Variants in PIEZO1 observed in about 807,000 individuals in gnomAD.
The protein encoded by PIEZO1 is piezo-type mechanosensitive ion channel component 1.
Under a neutral mutation model 297.2 loss-of-function variants are expected in PIEZO1, and 296 were observed. That is an observed-to-expected ratio of 1.00 (90% CI 0.91 to 1.10). PIEZO1 has a LOEUF of 1.10. Ranked by LOEUF, PIEZO1 falls within the 50% of genes least tolerant of loss-of-function variation. PIEZO1 has a pLI of 0.00. For synonymous variants in PIEZO1, 2,427 were observed against 1,507.5 expected (o/e 1.61, Z -14.13); for missense variants, 5,018 against 3,455.5 (o/e 1.45, Z -11.34).
intron 30 of PIEZO1, among the ~76,000 whole-genome samples, chr16:88,724,232 G>C (rs890712330): frequency 2.0e-5 from 3 of 152,230 alleles, no homozygotes; most frequent in African/African-American, 4.8e-5. Context: ...CTGTGTGAGA[G>C]TTAGAAAAAC....
At chr16:88,730,072 G>T (rs1027899360) in intron 22 of PIEZO1, among the ~76,000 whole-genome samples, 1 of 152,262 alleles carries the variant, frequency 6.6e-6, no homozygotes, top group Non-Finnish European at 1.5e-5. Context: ...GTGGACAGGA[G>T]ACGGGGAGCT....
intron 21 of PIEZO1, among the ~76,000 whole-genome samples, 172 bp from the exon 22 acceptor site, chr16:88,732,082 C>A (rs1567670212): frequency 2.0e-5 from 3 of 151,134 alleles, no homozygotes. Context: ...TGGCAGTTGC[C>A]ATCGTGCAGG....
At position 88,725,801 on chromosome 16, in the gene PIEZO1, G is replaced by A. The variant is rs769646339; in HGVS notation, c.3969-117C>T. On this transcript the variant is annotated intron_variant, in intron 27 of 50. Transcript: ENST00000301015. ...AGCCTGCTCCTCTCTGCCCACGCTGGACAAGAGGCACCCACGGGGGAGGCA... is the reference window on the plus strand; with the variant it reads ...AGCCTGCTCCTCTCTGCCCACGCTGAACAAGAGGCACCCACGGGGGAGGCA... 249 of 648,888 alleles carry A rather than the reference G, an allele frequency of 3.8e-4. 1 individual carries two copies. The highest frequency in any genetic ancestry group is 6.1e-4 in the Non-Finnish European group (218 of 358,652). The allele number at this position is 648,888 out of a possible 1,614,324, so 40.2% of individuals were successfully genotyped here.
intron 1 of PIEZO1, among the ~76,000 whole-genome samples, chr16:88,779,206 T>G (rs1907814384): frequency 6.6e-6 from 1 of 151,898 alleles, no homozygotes; most frequent in Non-Finnish European, 1.5e-5. Flanking sequence ...GCCCAGCTAA[T>G]TTTTGTATTT....
At chr16:88,722,560 G>T in intron 35 of PIEZO1, 23 bp downstream of exon 35, 2 of 1,484,708 alleles carry the variant, frequency 1.3e-6, no homozygotes, top group African/African-American at 1.4e-5. Flanking sequence ...AGCAGCTGGG[G>T]CTCGGGTCAC....
At position 88,741,621 on chromosome 16, in the gene PIEZO1, G is replaced by A. The variant is rs781552902; in HGVS notation, c.327-5C>T. On this transcript the variant is annotated splice_polypyrimidine_tract_variant and splice_region_variant and intron_variant, in intron 4 of 50. Coordinates refer to ENST00000301015, the MANE Select transcript of PIEZO1 (RefSeq NM_001142864.4). Reference sequence around the variant, plus strand: ...GGGATGTCCTTCAGGTCCAGCCTGCGGAGAGCAGGGAGCAGCCGCGGTCAG... The same window carrying A: ...GGGATGTCCTTCAGGTCCAGCCTGCAGAGAGCAGGGAGCAGCCGCGGTCAG... 26 of 1,533,442 alleles carry A rather than the reference G, an allele frequency of 1.7e-5. No homozygotes were observed. The East Asian group carries it at 2.9e-4, about 17-fold the overall frequency. 95.0% of individuals were successfully genotyped at this position (1,533,442 alleles called of 1,614,324 possible).
chr16:88,733,229 A>G (rs1248028008), intron 19 of PIEZO1, 49 bp downstream of exon 19: 2 of 1,502,662 alleles, frequency 1.3e-6, no homozygotes, highest in Non-Finnish European at 1.8e-6. Flanking sequence ...GGCTGCGAAT[A>G]CAGAGTTGCC....
At chr16:88,752,443 C>T (rs1245620891) in intron 1 of PIEZO1, among the ~76,000 whole-genome samples, 1 of 152,214 alleles carries the variant, frequency 6.6e-6, no homozygotes, top group Non-Finnish European at 1.5e-5. Context: ...GATCACGCTG[C>T]CGCACTCCAG....
intron 1 of PIEZO1, among the ~76,000 whole-genome samples, chr16:88,766,251 G>C (rs1597483335): frequency 6.6e-6 from 1 of 152,174 alleles, no homozygotes; most frequent in Non-Finnish European, 1.5e-5. Context: ...CTGAAGGCAG[G>C]GGAGTGTCGC....
At chr16:88,782,239 A>G (rs1177055011) in intron 1 of PIEZO1, among the ~76,000 whole-genome samples, 1 of 152,036 alleles carries the variant, frequency 6.6e-6, no homozygotes, top group Non-Finnish European at 1.5e-5. Context: ...CCTCCTGAGT[A>G]GCTGGGACTA....
Position 88,738,303 on chromosome 16 carries a change from C to T in PIEZO1, c.772G>A (p.Gly258Ser), listed in dbSNP as rs940709569. Residue 258 changes from glycine to serine, a missense_variant, in exon 7 of 51, where the codon GGC (glycine) becomes AGC (serine). Transcript: ENST00000301015. ...LCVAVGCFGA[G>S]HLICLYCYQM... is the part of the protein sequence containing the mutation. ...TAGCAGTAGAGGCAGATGAGATGGC[C>T]GGCGCCGAAGCACCCCACCGCGACG... The T allele has an allele frequency of 1.9e-5, 29 of 1,535,736 alleles. No homozygotes were observed. Among genetic ancestry groups the T allele is most frequent in the African/African-American group, 5.5e-5 (4 of 73,032 alleles).
chr16:88,781,943 AG>A (rs139650268), intron 1 of PIEZO1, among the ~76,000 whole-genome samples: 2,785 of 152,322 alleles, frequency 0.018, 33 homozygotes, highest in Non-Finnish European at 0.028. Context: ...CTGTGCCACG[AG>A]GCACCCTGAA....
At chr16:88,767,122 T>G (rs1317461625) in intron 1 of PIEZO1, among the ~76,000 whole-genome samples, 1 of 152,220 alleles carries the variant, frequency 6.6e-6, no homozygotes, top group Non-Finnish European at 1.5e-5. Context: ...GATTAGCTTC[T>G]TCCCGGATTG....
chr16:88,724,051 G>A, intron 30 of PIEZO1, 80 bp from the exon 31 acceptor site: 4 of 837,750 alleles, frequency 4.8e-6, no homozygotes, highest in South Asian at 3.0e-5. Context: ...CATGGGCCAA[G>A]GCCCGAGAGC....
At chr16:88,766,656 G>A (rs1343468773) in intron 1 of PIEZO1, among the ~76,000 whole-genome samples, 1 of 152,218 alleles carries the variant, frequency 6.6e-6, no homozygotes, top group Non-Finnish European at 1.5e-5. Context: ...GGGACGCCGG[G>A]GGCCCCCACA....
intron 1 of PIEZO1, among the ~76,000 whole-genome samples, chr16:88,770,923 G>A (rs528815427): frequency 1.6e-4 from 24 of 152,290 alleles, no homozygotes; most frequent in Non-Finnish European, 2.4e-4. Flanking sequence ...CCGGTGGGCG[G>A]CACTGGAGAG....
intron 1 of PIEZO1, among the ~76,000 whole-genome samples, chr16:88,768,602 C>T (rs185218857): frequency 2.6e-5 from 4 of 152,360 alleles, no homozygotes; most frequent in African/African-American, 9.6e-5. Context: ...TGGGCGGGGG[C>T]TCCCTAGTCC....
intron 2 of PIEZO1, among the ~76,000 whole-genome samples, chr16:88,747,547 C>G (rs1437547209): frequency 6.6e-6 from 1 of 152,164 alleles, no homozygotes; most frequent in African/African-American, 2.4e-5. Context: ...CCATTGCCCA[C>G]CCCACAGCAC....
In PIEZO1 at chr16:88,726,879, C is replaced by G; in HGVS notation, c.3535G>C (p.Ala1179Pro). Residue 1179 changes from alanine to proline, a missense_variant, in exon 25 of 51, where the codon GCC becomes CCC. Coordinates refer to ENST00000301015, the MANE Select transcript of PIEZO1 (RefSeq NM_001142864.4). ...LVLVVVFVTG[A>P]TRISIFGLGY... ...AGCCCGAAGATGCTGATGCGGGTGGCCCCCGTGACAAACACCACCACCAGC... is the reference window on the plus strand; with the variant it reads ...AGCCCGAAGATGCTGATGCGGGTGGGCCCCGTGACAAACACCACCACCAGC... 6.5e-7 allele frequency: 1 copy of G among 1,550,374 alleles called. No individual in the cohort carries two copies. Among genetic ancestry groups the G allele is most frequent in the Non-Finnish European group, 8.7e-7 (1 of 1,146,896 alleles).
Sources: gnomAD v4.1 joint callset for allele counts (sites outside exome capture counted in the v4.1 genomes callset) on GRCh38, gnomAD v4.1.1 for gene constraint, MANE v1.5 for transcripts, NCBI Gene and HGNC (gene_info 2026-07-23, HGNC 2026-07-21) for gene names.